ALDH1A2: variants seen among roughly 807,000 people sequenced by gnomAD.
ALDH1A2 encodes the protein retinal dehydrogenase 2.
A neutral mutation model predicts 60.3 loss-of-function variants in ALDH1A2; 27 were observed. That is an observed-to-expected ratio of 0.45 (90% CI 0.33 to 0.62). The LOEUF (loss-of-function observed/expected upper bound fraction) is 0.62, where lower values mean the gene tolerates loss of function less well. ALDH1A2 is among the 20% of genes least tolerant of loss of function. The probability of loss-of-function intolerance (pLI) is 0.02; values close to 1 mark genes in which losing one functional copy is unlikely to be tolerated. For missense variants in ALDH1A2, 581 were observed against 643.8 expected, an observed-to-expected ratio of 0.90 and a Z score of 1.06; for synonymous variants, 289 against 232.4, an observed-to-expected ratio of 1.24 and a Z score of -2.21.
intron 1 of ALDH1A2, among the ~76,000 whole-genome samples, chr15:58,027,607 A>G (rs1896114770): frequency 6.6e-6 from 1 of 152,188 alleles, no homozygotes; most frequent in South Asian, 2.1e-4. Flanking sequence ...TCTCTGAGCT[A>G]AAGGAGCATG....
intron 4 of ALDH1A2, among the ~76,000 whole-genome samples, chr15:58,008,167 A>G (rs1371802990): frequency 6.6e-6 from 1 of 152,088 alleles, no homozygotes; most frequent in African/African-American, 2.4e-5. Context: ...GCCTCCTGAG[A>G]ATTCTGTCAA....
intron 10 of ALDH1A2, 53 bp from the exon 11 acceptor site, chr15:57,961,347 C>A (rs1379528907): frequency 1.3e-6 from 2 of 1,593,922 alleles, no homozygotes; most frequent in Non-Finnish European, 8.6e-7. Context: ...CCTTTACCTG[C>A]TTTCCACATT....
chr15:58,000,879 G>T (rs1164443211), intron 4 of ALDH1A2, among the ~76,000 whole-genome samples: 1 of 151,846 alleles, frequency 6.6e-6, no homozygotes, highest in Non-Finnish European at 1.5e-5. Context: ...GTGTAAAGGG[G>T]AGTCCACGTG....
rs538608163 is a variant in ALDH1A2, at chr15:58,047,046, G to A, written c.117+18488C>T. On this transcript the variant is annotated intron_variant, in intron 1 of 12. Transcript: ENST00000249750. ...CAAGAGAGGACAAACTAGGCTTATCGCACTTGTCAGCCCACAGCAAAATGG... is the reference window on the plus strand; with the variant it reads ...CAAGAGAGGACAAACTAGGCTTATCACACTTGTCAGCCCACAGCAAAATGG... Among the ~76,000 whole-genome samples, 232 of 152,056 alleles carry A rather than the reference G, an allele frequency of 1.5e-3. 1 individual carries two copies. Among genetic ancestry groups the A allele is most frequent in the Non-Finnish European group, 2.9e-3 (195 of 67,946 alleles).
At chr15:58,011,584 T>A (rs751761607) in intron 3 of ALDH1A2, among the ~76,000 whole-genome samples, 8 of 152,202 alleles carry the variant, frequency 5.3e-5, no homozygotes, top group Non-Finnish European at 1.2e-4. Context: ...TTTCTTTTTT[T>A]CCTACAAGTG....
chr15:57,955,762 G>A (rs1167708666), intron 12 of ALDH1A2, among the ~76,000 whole-genome samples: 1 of 152,080 alleles, frequency 6.6e-6, no homozygotes, highest in African/African-American at 2.4e-5. Context: ...CCCCCAAGAC[G>A]GAGGGTGGGA....
intron 7 of ALDH1A2, among the ~76,000 whole-genome samples, chr15:57,972,941 A>T (rs1894119464): frequency 6.6e-6 from 1 of 152,170 alleles, no homozygotes; most frequent in Non-Finnish European, 1.5e-5. Context: ...TTCATGACTC[A>T]AGCAGTAGAG....
At chr15:58,030,940 AAAATGGCCATACTGCCCAAGGT>A (rs1459533388) in intron 1 of ALDH1A2, among the ~76,000 whole-genome samples, 1 of 152,212 alleles carries the variant, frequency 6.6e-6, no homozygotes, top group Non-Finnish European at 1.5e-5. Flanking sequence ...CAATATTGTA[AAAATGGCCATACTGCCCAAGGT>A]AATTTATAGA....
intron 7 of ALDH1A2, among the ~76,000 whole-genome samples, chr15:57,984,015 C>T (rs1371863466): frequency 2.0e-5 from 3 of 152,208 alleles, no homozygotes; most frequent in Non-Finnish European, 2.9e-5. Context: ...GCATGCTGCA[C>T]TGAGAAATTA....
intron 7 of ALDH1A2, among the ~76,000 whole-genome samples, chr15:57,982,920 G>C (rs188260570): frequency 2.1e-3 from 312 of 152,194 alleles, no homozygotes; most frequent in Non-Finnish European, 2.9e-3. Context: ...CACCTACCAA[G>C]AGTTAACGAC....
chr15:58,038,764 G>T (rs1028028392), intron 1 of ALDH1A2, among the ~76,000 whole-genome samples: 1 of 151,754 alleles, frequency 6.6e-6, no homozygotes, highest in Non-Finnish European at 1.5e-5. Context: ...TACTGGTAAT[G>T]GTTAATGTTC....
intron 1 of ALDH1A2, among the ~76,000 whole-genome samples, chr15:58,034,507 G>C (rs1440979427): frequency 6.6e-6 from 1 of 151,574 alleles, no homozygotes; most frequent in Non-Finnish European, 1.5e-5. Flanking sequence ...ATCTTGAATA[G>C]CAGCAGCAAG....
chr15:57,961,445 A>T (rs1349043650), intron 10 of ALDH1A2, 151 bp from the exon 11 acceptor site: 1 of 1,011,292 alleles, frequency 9.9e-7, no homozygotes, highest in Non-Finnish European at 1.5e-6. Flanking sequence ...CTTTCCTAGG[A>T]TAAGATTATG....
At chr15:58,010,290 C>A (rs148998806) in intron 4 of ALDH1A2, among the ~76,000 whole-genome samples, 1 of 152,004 alleles carries the variant, frequency 6.6e-6, no homozygotes, top group Non-Finnish European at 1.5e-5. Flanking sequence ...GGGCAAGGAG[C>A]AAGTCTTAAC....
intron 7 of ALDH1A2, among the ~76,000 whole-genome samples, chr15:57,992,372 C>T (rs2140490727): frequency 6.6e-6 from 1 of 152,332 alleles, no homozygotes; most frequent in East Asian, 1.9e-4. Flanking sequence ...CTTGTGTCTC[C>T]ATTCTTATCC....
At chr15:57,988,797 T>C (rs1894796806) in intron 7 of ALDH1A2, among the ~76,000 whole-genome samples, 1 of 152,202 alleles carries the variant, frequency 6.6e-6, no homozygotes, top group Non-Finnish European at 1.5e-5. Flanking sequence ...GCACTTATGG[T>C]TTTATGGACT....
intron 7 of ALDH1A2, among the ~76,000 whole-genome samples, chr15:57,989,097 C>T (rs909715205): frequency 4.6e-5 from 7 of 152,120 alleles, no homozygotes; most frequent in East Asian, 1.9e-4. Context: ...TTCAGGGAGC[C>T]GAGATCACGC....
intron 1 of ALDH1A2, among the ~76,000 whole-genome samples, chr15:58,041,299 A>T (rs1896513275): frequency 6.6e-6 from 1 of 151,946 alleles, no homozygotes; most frequent in African/African-American, 2.4e-5. Context: ...ATCTAAATAT[A>T]GATTGGAGTG....
At chr15:58,037,158 T>G (rs149352950) in intron 1 of ALDH1A2, among the ~76,000 whole-genome samples, 37 of 151,698 alleles carry the variant, frequency 2.4e-4, no homozygotes, top group Admixed American at 1.3e-3. Flanking sequence ...GAATATGTAT[T>G]TAAGCAGCAA....
Sources: gnomAD v4.1 joint callset for allele counts (sites outside exome capture counted in the v4.1 genomes callset) on GRCh38, gnomAD v4.1.1 for gene constraint, MANE v1.5 for transcripts, NCBI Gene and HGNC (gene_info 2026-07-23, HGNC 2026-07-21) for gene names.